Variants in TTLL5 observed in about 807,000 individuals in gnomAD.
The protein encoded by TTLL5 is tubulin polyglutamylase TTLL5.
Under a neutral mutation model 168.4 loss-of-function variants are expected in TTLL5, and 132 were observed. The observed-to-expected ratio is 0.78, with a 90% CI of 0.68 to 0.91. The LOEUF (loss-of-function observed/expected upper bound fraction) is 0.91, where lower values mean the gene tolerates loss of function less well. TTLL5 is among the 40% of genes least tolerant of loss of function. TTLL5 has a pLI of 0.00. For missense variants in TTLL5, 1,545 were observed against 1,581.5 expected (o/e 0.98, Z 0.39); for synonymous variants, 546 against 558.6 (o/e 0.98, Z 0.32).
At chr14:75,754,862 A>T (rs1257998154) in intron 18 of TTLL5, among the ~76,000 whole-genome samples, 1 of 152,206 alleles carries the variant, frequency 6.6e-6, no homozygotes, top group African/African-American at 2.4e-5. Context: ...AATTTCAGTT[A>T]GAGGATGTAA....
rs754823137 is a variant in TTLL5, at chr14:75,676,667, T to G, written c.182-4878T>G. ...AGAAGTGGCTTGTCACTGCTTACTA[T>G]TTATGTATTGTAAGAATCAGATTTG... On this transcript the variant is annotated intron_variant, in intron 3 of 31. Transcript: ENST00000298832. Among the ~76,000 whole-genome samples the G allele has an allele frequency of 7.4e-4, 112 of 152,322 alleles. 1 individual carries two copies. The highest frequency in any genetic ancestry group is 1.3e-3 in the Non-Finnish European group (90 of 68,018).
chr14:75,827,639 A>G (rs1181889147), intron 28 of TTLL5, among the ~76,000 whole-genome samples: 1 of 150,546 alleles, frequency 6.6e-6, no homozygotes, highest in Non-Finnish European at 1.5e-5. Flanking sequence ...GTTTTCATGA[A>G]TTATCAAGCT....
At chr14:75,890,476 T>C (rs2032345546) in intron 30 of TTLL5, among the ~76,000 whole-genome samples, 1 of 151,960 alleles carries the variant, frequency 6.6e-6, no homozygotes, top group African/African-American at 2.4e-5. Flanking sequence ...GACTGAAAAA[T>C]TAGGAGAACA....
At chr14:75,896,271 A>T (rs149495348) in intron 30 of TTLL5, among the ~76,000 whole-genome samples, 1 of 152,184 alleles carries the variant, frequency 6.6e-6, no homozygotes, top group East Asian at 1.9e-4. Context: ...GCTACTTACT[A>T]TGAGTAAATG....
chr14:75,754,261 A>T (rs1842074629), intron 18 of TTLL5, among the ~76,000 whole-genome samples: 1 of 152,096 alleles, frequency 6.6e-6, no homozygotes, highest in African/African-American at 2.4e-5. Context: ...GTCTTTTCAG[A>T]TCTCTATTTT....
intron 31 of TTLL5, among the ~76,000 whole-genome samples, chr14:75,905,947 A>G (rs943805659): frequency 2.6e-5 from 4 of 152,156 alleles, no homozygotes; most frequent in Admixed American, 1.3e-4. Flanking sequence ...TAGAAAATCA[A>G]TGATGGATTT....
intron 20 of TTLL5, among the ~76,000 whole-genome samples, chr14:75,770,193 A>AG (rs1891209008): frequency 1.3e-5 from 2 of 151,336 alleles, no homozygotes; most frequent in Non-Finnish European, 2.9e-5. Context: ...AAAAAAAAAA[A>AG]AAAAAGAAAA....
intron 12 of TTLL5, among the ~76,000 whole-genome samples, chr14:75,723,133 T>A (rs944204651): frequency 2.0e-5 from 3 of 152,070 alleles, no homozygotes; most frequent in Admixed American, 6.6e-5. Context: ...CACTTTTTTT[T>A]AAATTGAGAC....
intron 9 of TTLL5, among the ~76,000 whole-genome samples, chr14:75,708,558 C>G (rs551499368): frequency 1.3e-5 from 2 of 152,102 alleles, no homozygotes; most frequent in East Asian, 1.9e-4. Flanking sequence ...ATCTCCTGAC[C>G]TCGTGATCCG....
chr14:75,668,094 G>T (rs537270796), intron 2 of TTLL5, among the ~76,000 whole-genome samples: 1 of 152,046 alleles, frequency 6.6e-6, no homozygotes, highest in Admixed American at 6.5e-5. Context: ...ATTGGGAGGG[G>T]CTGACTTGGC....
chr14:75,834,834 G>A (rs1895786770), intron 28 of TTLL5, among the ~76,000 whole-genome samples: 1 of 152,148 alleles, frequency 6.6e-6, no homozygotes, highest in Admixed American at 6.6e-5. Context: ...AGGAAGCTGA[G>A]GCAGGAGAAT....
intron 17 of TTLL5, among the ~76,000 whole-genome samples, chr14:75,746,278 T>A (rs989789226): frequency 1.3e-5 from 2 of 152,204 alleles, no homozygotes; most frequent in Admixed American, 1.3e-4. Flanking sequence ...TGTCATTGTT[T>A]GAATATACCA....
intron 15 of TTLL5, 25 bp from the exon 16 acceptor site, chr14:75,745,070 A>G: frequency 1.3e-6 from 2 of 1,599,780 alleles, no homozygotes; most frequent in East Asian, 2.3e-5. Flanking sequence ...AATTTTTTTT[A>G]CTATTTTCAT....
intron 29 of TTLL5, among the ~76,000 whole-genome samples, chr14:75,869,433 A>G (rs967650134): frequency 6.6e-6 from 1 of 152,094 alleles, no homozygotes; most frequent in Non-Finnish European, 1.5e-5. Context: ...TTAAAACCTC[A>G]TTTTCCTTAT....
intron 31 of TTLL5, among the ~76,000 whole-genome samples, chr14:75,906,089 T>G (rs1437121911): frequency 6.6e-6 from 1 of 152,236 alleles, no homozygotes; most frequent in Non-Finnish European, 1.5e-5. Context: ...ACTGCCCACT[T>G]CGTTGGGTCC....
chr14:75,744,328 A>G (rs578231481), intron 15 of TTLL5: 1 of 152,248 alleles, frequency 6.6e-6, no homozygotes, highest in Admixed American at 6.5e-5. Context: ...TTACCTTCCT[A>G]TTTCTCCACT....
intron 7 of TTLL5, among the ~76,000 whole-genome samples, chr14:75,705,383 G>A (rs952664275): frequency 2.0e-5 from 3 of 152,200 alleles, no homozygotes; most frequent in African/African-American, 7.2e-5. Flanking sequence ...TAGTATTGAG[G>A]GTAGGAAATG....
At chr14:75,662,377 T>G (rs1361095527) in intron 1 of TTLL5, among the ~76,000 whole-genome samples, 1 of 150,690 alleles carries the variant, frequency 6.6e-6, no homozygotes, top group Non-Finnish European at 1.5e-5. Context: ...CAGGCTGGAG[T>G]GCAATGGCGC....
Position 75,820,027 on chromosome 14 carries a change from A to G in TTLL5, c.3192A>G (p.Ala1064=), listed in dbSNP as rs544253053. The G allele has an allele frequency of 1.7e-5, 27 of 1,603,074 alleles. No homozygotes were observed. In the South Asian group the frequency reaches 2.7e-4, roughly 16 times the overall value. ...LTQQVTNLNL[A]TGIINRSSAS... The stretch of plus-strand genomic sequence containing the variant: ...TCTAGGTAACAAACCTGAATTTGGC[A>G]ACTGGCATCATAAACAGAAGCAGTG... The change falls in exon 28 of 32, where the codon GCA becomes GCG. Residue 1064 remains alanine (A), a synonymous_variant. Transcript: ENST00000298832.
Sources: gnomAD v4.1 joint callset for allele counts (sites outside exome capture counted in the v4.1 genomes callset) on GRCh38, gnomAD v4.1.1 for gene constraint, MANE v1.5 for transcripts, NCBI Gene and HGNC (gene_info 2026-07-23, HGNC 2026-07-21) for gene names.